PPP1R1C: variants seen among roughly 807,000 people sequenced by gnomAD.
The protein encoded by PPP1R1C is protein phosphatase 1 regulatory subunit 1C.
A neutral mutation model predicts 17.4 loss-of-function variants in PPP1R1C; 15 were observed. The observed-to-expected ratio is 0.86, with a 90% CI of 0.58 to 1.33. PPP1R1C has a LOEUF of 1.33. Ranked by LOEUF, PPP1R1C falls within the 40% of genes most tolerant of loss-of-function variation. The probability of loss-of-function intolerance (pLI) is 0.00; values close to 1 mark genes in which losing one functional copy is unlikely to be tolerated. For missense variants in PPP1R1C, 143 were observed against 130.0 expected (o/e 1.10, Z -0.48); for synonymous variants, 35 against 43.1 (o/e 0.81, Z 0.73).
intron 4 of PPP1R1C, among the ~76,000 whole-genome samples, chr2:182,094,352 G>C (rs1688870578): frequency 6.6e-6 from 1 of 152,198 alleles, no homozygotes; most frequent in Non-Finnish European, 1.5e-5. Flanking sequence ...TACAAGATGA[G>C]ATTTGGGTGG....
At chr2:182,119,963 A>G (rs2125239579), downstream of PPP1R1C, among the ~76,000 whole-genome samples, 1 of 152,312 alleles carries the variant, frequency 6.6e-6, no homozygotes, top group Non-Finnish European at 1.5e-5. Flanking sequence ...TTGGTGTTTT[A>G]GGCATGAAGT....
intron 2 of PPP1R1C, among the ~76,000 whole-genome samples, chr2:182,041,166 G>T (rs1189412351): frequency 2.0e-5 from 3 of 152,112 alleles, no homozygotes; most frequent in Non-Finnish European, 4.4e-5. Flanking sequence ...TTTTAGGGTT[G>T]TTGTTTTCTA....
intron 4 of PPP1R1C, among the ~76,000 whole-genome samples, chr2:182,072,521 G>C (rs951974365): frequency 1.3e-5 from 2 of 152,208 alleles, no homozygotes; most frequent in African/African-American, 4.8e-5. Context: ...GTGGATTACA[G>C]AGGAGCAGGG....
intron 2 of PPP1R1C, among the ~76,000 whole-genome samples, chr2:182,060,899 T>C (rs1687830003): frequency 6.6e-6 from 1 of 152,112 alleles, no homozygotes; most frequent in African/African-American, 2.4e-5. Context: ...CAACCCTTCA[T>C]ACACAGCACA....
chr2:182,064,629 A>G (rs1410592648), intron 4 of PPP1R1C, among the ~76,000 whole-genome samples: 2 of 152,074 alleles, frequency 1.3e-5, no homozygotes, highest in African/African-American at 4.8e-5. Context: ...GGGCCTATTC[A>G]GGGAGGCGGG....
chr2:182,042,971 AC>A (rs1195200963), intron 2 of PPP1R1C, among the ~76,000 whole-genome samples: 1 of 152,254 alleles, frequency 6.6e-6, no homozygotes, highest in Non-Finnish European at 1.5e-5. Flanking sequence ...AAAAACTTGA[AC>A]AACAATATTT....
At chr2:182,064,867 A>T (rs1046887514) in intron 4 of PPP1R1C, among the ~76,000 whole-genome samples, 3 of 152,070 alleles carry the variant, frequency 2.0e-5, no homozygotes, top group Non-Finnish European at 4.4e-5. Context: ...TTCAAGACAC[A>T]TCAGTTTTGG....
intron 4 of PPP1R1C, among the ~76,000 whole-genome samples, chr2:182,064,806 T>G (rs745990124): frequency 1.7e-4 from 26 of 152,056 alleles, no homozygotes; most frequent in Non-Finnish European, 3.5e-4. Flanking sequence ...TCTCTGAAGA[T>G]AAGTTTAATC....
chr2:181,977,446 C>T (rs1380158448), intron 2 of PPP1R1C, among the ~76,000 whole-genome samples: 2 of 151,906 alleles, frequency 1.3e-5, no homozygotes, highest in African/African-American at 2.4e-5. Context: ...TATCAGAATT[C>T]TACACTTTTT....
At chr2:182,106,586 T>C (rs1225589493) in intron 4 of PPP1R1C, among the ~76,000 whole-genome samples, 3 of 152,156 alleles carry the variant, frequency 2.0e-5, no homozygotes, top group Non-Finnish European at 4.4e-5. Context: ...CAGTAAAACC[T>C]TGAACTCATT....
chr2:182,115,566 C>A (rs948326843), intron 4 of PPP1R1C, among the ~76,000 whole-genome samples: 1 of 152,038 alleles, frequency 6.6e-6, no homozygotes, highest in Non-Finnish European at 1.5e-5. Context: ...ACTTAATAAA[C>A]CCTCTTCCCT....
chr2:182,085,529 A>G (rs997246118), intron 4 of PPP1R1C, among the ~76,000 whole-genome samples: 1 of 152,118 alleles, frequency 6.6e-6, no homozygotes, highest in African/African-American at 2.4e-5. Context: ...GGTGCCAAAG[A>G]TGGTACTTCT....
intron 1 of PPP1R1C, among the ~76,000 whole-genome samples, chr2:181,970,881 G>A (rs1021045696): frequency 6.6e-6 from 1 of 152,118 alleles, no homozygotes; most frequent in African/African-American, 2.4e-5. Flanking sequence ...AGTACTGACT[G>A]GCTACCACTG....
At position 181,995,731 on chromosome 2, in the gene PPP1R1C, A is replaced by T. The variant is rs113698039; in HGVS notation, c.142+7832A>T. ...TAAGCTGTGTGCTTGATGGAAAAAG[A>T]TTACTTCTAAATTTCTTCCTTTTTT... On this transcript the variant is annotated intron_variant, in intron 2 of 4. Transcript: ENST00000682840. 3.3e-5 allele frequency among the ~76,000 whole-genome samples: 5 copies of T among 151,714 alleles called. 1 individual carries two copies. Among genetic ancestry groups the T allele is most frequent in the African/African-American group, 1.2e-4 (5 of 41,324 alleles).
rs1684805161 is a variant in PPP1R1C at position 181,961,911 on chromosome 2, C to T, written n.111+7277C>T. The T allele has an allele frequency of 5.3e-6, 4 of 751,808 alleles. No homozygotes were observed. The East Asian group carries it at 1.0e-4, about 19-fold the overall frequency. The allele number at this position is 751,808 out of a possible 1,614,324, so 46.6% of individuals were successfully genotyped here. On this transcript the variant is annotated intron_variant and non_coding_transcript_variant, in intron 1 of 5. Transcript: ENST00000464264. This position sits in a 1 kb window ranked among gnomAD's most constrained non-coding sequence, Gnocchi z 5.8. ...GTGGCAGCCAAGTGACATTGGTCAT[C>T]AGTGACCTTGTGGAGCCCATGGATG...
At chr2:182,015,858 G>T (rs1686250326) in intron 2 of PPP1R1C, among the ~76,000 whole-genome samples, 2 of 152,138 alleles carry the variant, frequency 1.3e-5, no homozygotes, top group African/African-American at 4.8e-5. Context: ...AGAGCTGCGA[G>T]CTTCACTGCC....
At chr2:182,057,527 T>G (rs980975342) in intron 2 of PPP1R1C, among the ~76,000 whole-genome samples, 1 of 152,164 alleles carries the variant, frequency 6.6e-6, no homozygotes, top group Non-Finnish European at 1.5e-5. Context: ...GGTATTTTAT[T>G]TTATGCTTTG....
intron 4 of PPP1R1C, among the ~76,000 whole-genome samples, chr2:182,070,677 G>A (rs901359290): frequency 7.2e-5 from 11 of 152,120 alleles, no homozygotes; most frequent in African/African-American, 2.7e-4. Flanking sequence ...ATCAATAGTT[G>A]TATAAAACAG....
intron 1 of PPP1R1C, 35 bp downstream of exon 1, chr2:181,986,226 A>G (rs751044670): frequency 2.7e-6 from 4 of 1,459,512 alleles, no homozygotes; most frequent in Non-Finnish European, 3.8e-6. Flanking sequence ...ATTCCTGTAC[A>G]TAAGGTAATA....
Sources: gnomAD v4.1 joint callset for allele counts (sites outside exome capture counted in the v4.1 genomes callset) on GRCh38, gnomAD v4.1.1 for gene constraint, Gnocchi (gnomAD v3.1) non-coding constraint, MANE v1.5 for transcripts, NCBI Gene and HGNC (gene_info 2026-07-23, HGNC 2026-07-21) for gene names.